Variants in DMXL1 observed in about 807,000 individuals in gnomAD.
DMXL1 encodes dmX-like protein 1.
A neutral mutation model predicts 319.2 loss-of-function variants in DMXL1; 99 were observed. The observed-to-expected ratio is 0.31, with a 90% CI of 0.26 to 0.37. The LOEUF (loss-of-function observed/expected upper bound fraction) is 0.37, where lower values mean the gene tolerates loss of function less well. Ranked by LOEUF, DMXL1 falls within the 10% of genes least tolerant of loss-of-function variation. The probability of loss-of-function intolerance (pLI) is 1.00; values close to 1 mark genes in which losing one functional copy is unlikely to be tolerated. For missense variants in DMXL1, 3,745 were observed against 3,595.6 expected (o/e 1.04, Z -1.06); for synonymous variants, 1,385 against 1,235.2 (o/e 1.12, Z -2.54).
At chr5:119,091,202 C>CACTT (rs1554086164) in intron 1 of DMXL1, among the ~76,000 whole-genome samples, 1 of 151,430 alleles carries the variant, frequency 6.6e-6, no homozygotes, top group Non-Finnish European at 1.5e-5. Context: ...CTGTTTGCTG[C>CACTT]ATTTATTTAT....
Position 119,170,810 on chromosome 5 carries a change from T to C in DMXL1, c.6019T>C (p.Ser2007Pro), listed in dbSNP as rs756261233. ...LDDISSNYTESFSTLDENDLL... is the reference protein window; with the variant it reads ...LDDISSNYTEPFSTLDENDLL... ...TGACATAAGTTCTAACTACACAGAA[T>C]CTTTCAGCACACTAGATGAAAATGA... is the stretch of plus-strand genomic sequence containing the variant. Residue 2007 changes from serine to proline, a missense_variant, in exon 24 of 44, where the codon TCT (serine) becomes CCT (proline). By Grantham distance (74) the Ser-to-Pro change is moderately conservative (BLOSUM62 -1). Coordinates refer to ENST00000539542, the MANE Select transcript of DMXL1 (RefSeq NM_001290321.3). The C allele has an allele frequency of 6.2e-7, 1 of 1,611,416 alleles. No homozygotes were observed. Among genetic ancestry groups the C allele is most frequent in the African/African-American group, 1.4e-5 (1 of 73,964 alleles).
Position 119,110,203 on chromosome 5 carries a change from C to T in DMXL1, c.417C>T (p.Asn139=). The T allele has an allele frequency of 1.3e-6, 2 of 1,590,248 alleles. No homozygotes were observed. The highest frequency in any genetic ancestry group is 1.7e-6 in the Non-Finnish European group (2 of 1,173,406). Residue 139 remains asparagine, a synonymous_variant, in exon 5 of 44, where the codon AAC becomes AAT. Transcript: ENST00000539542. ...SSYLQLWSNT[N]LEKPTEDENL... is the part of the protein sequence containing the mutation. Reference sequence around the variant, plus strand: ...ATTTGCAACTCTGGTCCAATACTAACTTGGAGAAGCCAACTGAAGATGAAA... The same window carrying T: ...ATTTGCAACTCTGGTCCAATACTAATTTGGAGAAGCCAACTGAAGATGAAA...
chr5:119,118,770 A>T (rs781056671), intron 7 of DMXL1, 45 bp from the exon 8 acceptor site: 1 of 1,426,290 alleles, frequency 7.0e-7, no homozygotes, highest in East Asian at 2.3e-5. Flanking sequence ...CTGTGATACT[A>T]TGTGAAATTT....
chr5:119,105,632 A>G (rs953290033), intron 4 of DMXL1, among the ~76,000 whole-genome samples: 1 of 152,220 alleles, frequency 6.6e-6, no homozygotes, highest in Non-Finnish European at 1.5e-5. Context: ...GTGGTGGCTC[A>G]CGCCTGTATT....
At chr5:119,229,677 T>C (rs1023729898) in intron 38 of DMXL1, among the ~76,000 whole-genome samples, 7 of 152,180 alleles carry the variant, frequency 4.6e-5, no homozygotes, top group Non-Finnish European at 1.0e-4. Flanking sequence ...TTTCCTGACA[T>C]ACAAAATTAT....
chr5:119,128,673 G>A (rs1764138277), intron 9 of DMXL1, among the ~76,000 whole-genome samples: 1 of 152,172 alleles, frequency 6.6e-6, no homozygotes, highest in Non-Finnish European at 1.5e-5. Context: ...AGTGGATGTT[G>A]ATAATGTGGG....
intron 9 of DMXL1, among the ~76,000 whole-genome samples, chr5:119,122,228 T>C (rs1465813376): frequency 1.2e-4 from 15 of 123,868 alleles, no homozygotes; most frequent in African/African-American, 4.7e-4. Flanking sequence ...GAGGCGCCCC[T>C]CACCTCCCGG....
chr5:119,167,285 G>A (rs927028763), intron 22 of DMXL1, among the ~76,000 whole-genome samples: 7 of 152,122 alleles, frequency 4.6e-5, no homozygotes, highest in African/African-American at 1.4e-4. Flanking sequence ...ATGGAGAATA[G>A]TAGAGGTTCA....
Position 119,132,726 on chromosome 5 carries a change from C to A in DMXL1, c.1316-406C>A. 3.8e-6 allele frequency: 2 copies of A among 520,752 alleles called. 1 individual carries two copies. The highest frequency in any genetic ancestry group is 2.8e-5 in the South Asian group (2 of 70,324). 32.3% of individuals were successfully genotyped at this position (520,752 alleles called of 1,614,324 possible). A position where few individuals can be genotyped will look rare whatever the true frequency, so the allele number is the denominator to read the frequency against. ...CCCTTTTCTGGGTTGACAATTAGTC[C>A]TATATTGGCATTGCTGCTGGCTATG... On this transcript the variant is annotated intron_variant, in intron 10 of 43. Transcript: ENST00000539542.
chr5:119,150,391 G>A lies in DMXL1; in HGVS notation c.4564G>A (p.Asp1522Asn), dbSNP rs773992941. The stretch of plus-strand genomic sequence containing the variant: ...AGATACAATTGCAACTACAAGCACT[G>A]ATATTGGAGAAAGCCGAGACAGAAG... The part of the protein sequence containing the change: ...LADTIATTST[D>N]IGESRDRSQG... The change falls in exon 18 of 44, where the codon GAT becomes AAT. Residue 1522 changes from aspartate (D) to asparagine (N), a missense_variant. Transcript: ENST00000539542. The A allele has an allele frequency of 4.3e-6, 7 of 1,612,688 alleles. No homozygotes were observed. The South Asian group carries it at 7.7e-5, about 18-fold the overall frequency.
chr5:119,227,635 A>T (rs1401092629), intron 38 of DMXL1, among the ~76,000 whole-genome samples: 1 of 151,764 alleles, frequency 6.6e-6, no homozygotes, highest in East Asian at 1.9e-4. Flanking sequence ...TTTTCAAGGT[A>T]TCTTATTTGC....
intron 21 of DMXL1, 85 bp downstream of exon 21, chr5:119,165,365 T>A: frequency 1.4e-6 from 1 of 720,978 alleles, no homozygotes; most frequent in Non-Finnish European, 2.3e-6. Flanking sequence ...GATTTGTTGT[T>A]CTTGTTGATG....
intron 28 of DMXL1, among the ~76,000 whole-genome samples, chr5:119,187,371 T>C (rs980505652): frequency 2.0e-5 from 3 of 152,202 alleles, no homozygotes; most frequent in African/African-American, 4.8e-5. Flanking sequence ...TATTAGCATT[T>C]TCAAAAACAA....
At chr5:119,219,488 G>A (rs1464845653) in intron 35 of DMXL1, among the ~76,000 whole-genome samples, 1 of 152,190 alleles carries the variant, frequency 6.6e-6, no homozygotes, top group East Asian at 1.9e-4. Flanking sequence ...TAACATAACA[G>A]TAATGGTAAT....
At chr5:119,105,047 GACTGA>G in intron 3 of DMXL1, 128 bp from the exon 4 acceptor site, 3 of 603,144 alleles carry the variant, frequency 5.0e-6, no homozygotes, top group Admixed American at 2.8e-5. Context: ...TATTTTTGTT[GACTGA>G]ACTGAACATT....
intron 5 of DMXL1, among the ~76,000 whole-genome samples, chr5:119,113,093 C>T (rs897662895): frequency 6.6e-6 from 1 of 152,088 alleles, no homozygotes; most frequent in African/African-American, 2.4e-5. Flanking sequence ...TAGAAAACAG[C>T]AGTGAAAAAT....
intron 41 of DMXL1, among the ~76,000 whole-genome samples, chr5:119,239,978 A>C (rs905525680): frequency 5.3e-5 from 8 of 151,592 alleles, no homozygotes; most frequent in African/African-American, 1.9e-4. Flanking sequence ...AAAAAAACAA[A>C]AAATTGTAGC....
Position 119,105,322 on chromosome 5 carries a change from T to C in DMXL1, c.364+64T>C. 2.3e-6 allele frequency: 3 copies of C among 1,281,836 alleles called. No homozygotes were observed. The African/African-American group carries it at 4.4e-5, about 19-fold the overall frequency. The allele number at this position is 1,281,836 out of a possible 1,614,324, so 79.4% of individuals were successfully genotyped here. A position where few individuals can be genotyped will look rare whatever the true frequency, so the allele number is the denominator to read the frequency against. On this transcript the variant is annotated intron_variant, in intron 4 of 43. Coordinates refer to ENST00000539542, the MANE Select transcript of DMXL1 (RefSeq NM_001290321.3). Reference sequence around the variant, plus strand: ...CTTGCCTAGTTGTTCTTATTTTTATTACTCTTATGTATTTCACTTCTGCTG... The same window carrying C: ...CTTGCCTAGTTGTTCTTATTTTTATCACTCTTATGTATTTCACTTCTGCTG...
intron 3 of DMXL1, 56 bp from the exon 4 acceptor site, chr5:119,105,124 T>A (rs1452488699): frequency 2.7e-6 from 3 of 1,129,678 alleles, no homozygotes; most frequent in Non-Finnish European, 2.7e-6. Context: ...AACGTACACA[T>A]TTGACAGAGA....
Sources: gnomAD v4.1 joint callset for allele counts (sites outside exome capture counted in the v4.1 genomes callset) on GRCh38, gnomAD v4.1.1 for gene constraint, MANE v1.5 for transcripts, NCBI Gene and HGNC (gene_info 2026-07-23, HGNC 2026-07-21) for gene names.